ADGRF5: variants seen among roughly 807,000 people sequenced by gnomAD.
ADGRF5 encodes G-protein coupled receptor 116.
Under a neutral mutation model 132.3 loss-of-function variants are expected in ADGRF5, and 75 were observed. The observed-to-expected ratio is 0.57, with a 90% CI of 0.47 to 0.69. The LOEUF is 0.69. ADGRF5 is among the 30% of genes least tolerant of loss of function. ADGRF5 has a pLI of 0.00. For missense variants in ADGRF5, 1,516 were observed against 1,630.6 expected (o/e 0.93, Z 1.21); for synonymous variants, 629 against 597.6 (o/e 1.05, Z -0.77).
chr6:46,890,586 G>A (rs978178135), intron 3 of ADGRF5, among the ~76,000 whole-genome samples: 2 of 151,822 alleles, frequency 1.3e-5, no homozygotes, highest in African/African-American at 2.4e-5. Context: ...GCATGGTGGC[G>A]TGTGCCTGTA....
intron 3 of ADGRF5, 27 bp downstream of exon 3, chr6:46,900,002 G>A (rs1458070282): frequency 6.5e-7 from 1 of 1,538,876 alleles, no homozygotes; most frequent in East Asian, 2.2e-5. Flanking sequence ...ACTTATAAAA[G>A]GGATTGCCAA....
intron 2 of ADGRF5, chr6:46,905,403 TG>T (rs1266987530): frequency 2.0e-5 from 3 of 150,738 alleles, no homozygotes; most frequent in Non-Finnish European, 4.4e-5. Flanking sequence ...GAACCAAAAA[TG>T]GAAAGAGGAA....
At chr6:46,904,117 C>T (rs1775057599) in intron 2 of ADGRF5, among the ~76,000 whole-genome samples, 1 of 152,258 alleles carries the variant, frequency 6.6e-6, no homozygotes, top group South Asian at 2.1e-4. Flanking sequence ...ATCCTGGGAC[C>T]CACCCAAGCA....
chr6:46,857,001 A>G, intron 17 of ADGRF5, 93 bp from the exon 18 acceptor site: 2 of 966,534 alleles, frequency 2.1e-6, no homozygotes, highest in Non-Finnish European at 3.3e-6. Context: ...TTAAATTTGT[A>G]CTACTTCTTT....
chr6:46,866,872 A>T, intron 13 of ADGRF5, 53 bp downstream of exon 13: 5 of 1,093,054 alleles, frequency 4.6e-6, no homozygotes, highest in Non-Finnish European at 7.0e-6. Context: ...AAATTTTTAG[A>T]CTCCACATAT....
At chr6:46,859,666 T>G in intron 16 of ADGRF5, 143 bp from the exon 17 acceptor site, 1 of 607,542 alleles carries the variant, frequency 1.6e-6, no homozygotes, top group Non-Finnish European at 2.9e-6. Flanking sequence ...GCAGTGGGGA[T>G]GTATGACCTT....
chr6:46,878,879 T>C lies in ADGRF5; in HGVS notation c.1037-474A>G, dbSNP rs532418014. ...TGCGGCTATTACATTCCAGAATATGTCAGGTTCACCACTAGTCTTAGGGAA... is the reference window on the plus strand; with the variant it reads ...TGCGGCTATTACATTCCAGAATATGCCAGGTTCACCACTAGTCTTAGGGAA... On this transcript the variant is annotated intron_variant, in intron 9 of 20. Transcript: ENST00000283296. Among the ~76,000 whole-genome samples, 3 of 152,298 alleles carry C rather than the reference T, an allele frequency of 2.0e-5. 1 individual carries two copies. The South Asian group carries it at 6.2e-4, about 32-fold the overall frequency.
chr6:46,934,232 C>T (rs1184917823), intron 1 of ADGRF5, among the ~76,000 whole-genome samples: 4 of 152,170 alleles, frequency 2.6e-5, no homozygotes, highest in African/African-American at 9.7e-5. Context: ...ATGCACACTC[C>T]TATGCCACAT....
chr6:46,949,670 A>G (rs2113845153), intron 1 of ADGRF5, among the ~76,000 whole-genome samples: 1 of 152,316 alleles, frequency 6.6e-6, no homozygotes, highest in Admixed American at 6.5e-5. Context: ...AGGAACCCAT[A>G]TCCATGTAGT....
intron 17 of ADGRF5, among the ~76,000 whole-genome samples, chr6:46,857,821 A>G (rs973558116): frequency 3.9e-5 from 6 of 152,216 alleles, no homozygotes; most frequent in East Asian, 1.9e-4. Flanking sequence ...CATTTAGGAG[A>G]TAATAGACTA....
At chr6:46,857,445 C>A (rs1769188315) in intron 17 of ADGRF5, among the ~76,000 whole-genome samples, 1 of 152,148 alleles carries the variant, frequency 6.6e-6, no homozygotes, top group Non-Finnish European at 1.5e-5. Flanking sequence ...TTTTTCTATC[C>A]TTACCACCTC....
chr6:46,892,177 C>T lies in ADGRF5; in HGVS notation c.158-3672G>A, dbSNP rs1017957219. ...AAATACACACACACACACACACACACACACACACACACACACACACACACA... is the reference window on the plus strand; with the variant it reads ...AAATACACACACACACACACACACATACACACACACACACACACACACACA... On this transcript the variant is annotated intron_variant, in intron 3 of 20. Coordinates refer to ENST00000283296, the MANE Select transcript of ADGRF5 (RefSeq NM_001098518.2). Among the ~76,000 whole-genome samples, 423 of 150,358 alleles carry T rather than the reference C, an allele frequency of 2.8e-3. 3 individuals are homozygous for T. The highest frequency in any genetic ancestry group is 9.7e-3 in the African/African-American group (398 of 41,016).
intron 1 of ADGRF5, among the ~76,000 whole-genome samples, chr6:46,911,667 C>T (rs868398293): frequency 2.0e-5 from 3 of 152,190 alleles, no homozygotes; most frequent in South Asian, 2.1e-4. Flanking sequence ...AGCCTTCCTG[C>T]TTGTATTATA....
At chr6:46,919,643 T>C (rs1433686678) in intron 1 of ADGRF5, among the ~76,000 whole-genome samples, 1 of 152,120 alleles carries the variant, frequency 6.6e-6, no homozygotes. Flanking sequence ...AGGGCCTCAG[T>C]GGAGGTCTCT....
In ADGRF5 at chr6:46,859,335, C is replaced by T. The variant is rs531430006; in HGVS notation, c.2568G>A (p.Met856Ile). 10 of 1,613,758 alleles carry T rather than the reference C, an allele frequency of 6.2e-6. No individual in the cohort carries two copies. In the Admixed American group the frequency reaches 6.7e-5, roughly 11 times the overall value. ...TTTCTGGGTGGCTGGACTTGATTAC[C>T]ATGCTGCTCATCTGCACATTAGTTT... ...FSQTNVQMSS[M>I]VIKSSHPETY... The change falls in exon 17 of 21, where the codon ATG becomes ATA. Residue 856 changes from methionine to isoleucine, a missense_variant. By Grantham distance (10) the Met-to-Ile change is conservative. Around this residue, in one of 2 missense-constraint regions of ADGRF5, gnomAD observed 571 missense variants for 701.2 expected, o/e 0.81. Coordinates refer to ENST00000283296, the MANE Select transcript of ADGRF5 (RefSeq NM_001098518.2).
rs557108835 is a variant in ADGRF5, at chr6:46,862,017, A to G, written c.2199+871T>C. The stretch of plus-strand genomic sequence containing the variant: ...CCAATTCGATTATTTTCTTTACCAG[A>G]GACAAAGATCTGATTTGGCCCATTT... On this transcript the variant is annotated intron_variant, in intron 15 of 20. Transcript: ENST00000283296. Among the ~76,000 whole-genome samples the G allele has an allele frequency of 2.0e-4, 30 of 152,144 alleles. No homozygotes were observed. The South Asian group carries it at 6.2e-3, about 32-fold the overall frequency.
intron 1 of ADGRF5, among the ~76,000 whole-genome samples, chr6:46,948,922 T>C (rs1030596675): frequency 3.9e-5 from 6 of 152,148 alleles, no homozygotes; most frequent in Non-Finnish European, 8.8e-5. Flanking sequence ...GCTACAACAA[T>C]GGGCGGAAAC....
chr6:46,954,579 T>C lies in ADGRF5; in HGVS notation c.-25+155A>G, dbSNP rs192095796. Among the ~76,000 whole-genome samples, 487 of 152,346 alleles carry C rather than the reference T, an allele frequency of 3.2e-3. 1 individual carries two copies. The highest frequency in any genetic ancestry group is 0.02 in the Middle Eastern group (6 of 294). On this transcript the variant is annotated intron_variant, in intron 1 of 20. Transcript: ENST00000265417. ...CATATGTCATATCCCATCTCACTAT[T>C]TGCCCCTCACAGTCTTGTAAATCAG...
chr6:46,854,197 A>G, intron 20 of ADGRF5, 126 bp from the exon 21 acceptor site: 1 of 589,578 alleles, frequency 1.7e-6, no homozygotes, highest in Non-Finnish European at 2.9e-6. Context: ...ATGCCTGGAA[A>G]CCAACCCATA....
Sources: gnomAD v4.1 joint callset for allele counts (sites outside exome capture counted in the v4.1 genomes callset) on GRCh38, gnomAD v4.1.1 for gene constraint, gnomAD v4.1.1 regional missense constraint, MANE v1.5 for transcripts, NCBI Gene and HGNC (gene_info 2026-07-23, HGNC 2026-07-21) for gene names.